FA2H: variants seen among roughly 807,000 people sequenced by gnomAD.
The protein encoded by FA2H is fatty acid 2-hydroxylase, also known as fatty acid alpha-hydroxylase.
In FA2H, 22 loss-of-function variants were observed where a neutral mutation model predicts 44.9. The ratio of observed to expected loss-of-function variants is 0.49; its 90% CI spans 0.35 to 0.70. The LOEUF is 0.70. FA2H is among the 30% of genes least tolerant of loss of function. The probability of loss-of-function intolerance (pLI) is 0.01; values close to 1 mark genes in which losing one functional copy is unlikely to be tolerated. For missense variants in FA2H, 501 were observed against 504.9 expected, an observed-to-expected ratio of 0.99 and a Z score of 0.07; for synonymous variants, 243 against 213.2, an observed-to-expected ratio of 1.14 and a Z score of -1.22.
intron 1 of FA2H, among the ~76,000 whole-genome samples, chr16:74,764,888 T>C (rs146850801): frequency 7.7e-4 from 117 of 152,224 alleles, no homozygotes; most frequent in African/African-American, 2.6e-3. Context: ...CAGGTACTTA[T>C]AGCTACATGA....
At chr16:74,771,952 C>CT (rs58570521) in intron 1 of FA2H, among the ~76,000 whole-genome samples, 1,680 of 141,864 alleles carry the variant, frequency 0.012, 25 homozygotes, top group Middle Eastern at 0.035. Context: ...CCCTGGCTTC[C>CT]TTTTTTTTTT....
intron 2 of FA2H, among the ~76,000 whole-genome samples, chr16:74,731,805 G>T: frequency 6.6e-6 from 1 of 152,226 alleles, no homozygotes; most frequent in East Asian, 1.9e-4. Context: ...TTTCCTTGCA[G>T]TTGTTGCTGT....
At position 74,766,666 on chromosome 16, in the gene FA2H, C is replaced by T. The variant is rs139946617; in HGVS notation, c.270+7820G>A. On this transcript the variant is annotated intron_variant, in intron 1 of 6. Coordinates refer to ENST00000219368, the MANE Select transcript of FA2H (RefSeq NM_024306.5). The stretch of plus-strand genomic sequence containing the variant: ...AAGGGGGGGGGCTCCTGAAGATCAA[C>T]AGGTGGTCCAAGCCATTGGCTCTTC... Among the ~76,000 whole-genome samples the T allele has an allele frequency of 8.1e-4, 123 of 152,216 alleles. 1 individual carries two copies. The highest frequency in any genetic ancestry group is 1.5e-3 in the Non-Finnish European group (101 of 68,028).
At chr16:74,717,732 G>C (rs1166084936) in intron 5 of FA2H, among the ~76,000 whole-genome samples, 1 of 152,248 alleles carries the variant, frequency 6.6e-6, no homozygotes, top group African/African-American at 2.4e-5. Flanking sequence ...GGCAGCAGGG[G>C]ACTGGACAGA....
intron 2 of FA2H, among the ~76,000 whole-genome samples, chr16:74,734,812 CG>C (rs1437727244): frequency 1.3e-5 from 2 of 152,188 alleles, no homozygotes; most frequent in African/African-American, 4.8e-5. Flanking sequence ...GGGCAGGCGG[CG>C]GGGGCAGGGT....
chr16:74,740,207 G>C, intron 1 of FA2H, 92 bp from the exon 2 acceptor site: 1 of 1,015,082 alleles, frequency 9.9e-7, no homozygotes, highest in East Asian at 2.4e-5. Context: ...GCCAGGAGTG[G>C]TGAGAGCCCC....
chr16:74,737,856 C>T (rs188575508), intron 2 of FA2H, among the ~76,000 whole-genome samples: 1 of 152,214 alleles, frequency 6.6e-6, no homozygotes, highest in South Asian at 2.1e-4. Flanking sequence ...CCCCAGCCCC[C>T]GCTGCCTGGG....
chr16:74,724,093 G>C (rs1961897836), intron 4 of FA2H, among the ~76,000 whole-genome samples: 2 of 151,992 alleles, frequency 1.3e-5, no homozygotes. Flanking sequence ...GTAGAGACTG[G>C]GTTTCACCAT....
At position 74,716,353 on chromosome 16, in the gene FA2H, T is replaced by G. The variant is rs755111282; in HGVS notation, c.1033A>C (p.Lys345Gln). 28 of 1,613,724 alleles carry G rather than the reference T, an allele frequency of 1.7e-5. No individual in the cohort carries two copies. The highest frequency in any genetic ancestry group is 2.4e-5 in the Non-Finnish European group (28 of 1,179,890). ...HHVKHHFAHQ[K>Q]SGFGISTKLW... ...AGCACAGGCCCATCCTCACCTGACTTCTGATGTGCAAAGTGGTGCTTGACG... is the reference window on the plus strand; with the variant it reads ...AGCACAGGCCCATCCTCACCTGACTGCTGATGTGCAAAGTGGTGCTTGACG... Residue 345 changes from lysine (K) to glutamine (Q), a missense_variant, in exon 6 of 7, where the codon AAG (lysine) becomes CAG (glutamine). Physicochemically the swap from Lys to Gln is moderately conservative, Grantham distance 53. Transcript: ENST00000219368.
chr16:74,739,156 G>A (rs781132260), intron 2 of FA2H, among the ~76,000 whole-genome samples: 3 of 152,210 alleles, frequency 2.0e-5, no homozygotes, highest in East Asian at 1.9e-4. Context: ...TCTTTATGGC[G>A]GTGGTGGGGA....
intron 1 of FA2H, 85 bp downstream of exon 1, chr16:74,774,401 T>C: frequency 1.5e-6 from 2 of 1,342,940 alleles, no homozygotes; most frequent in Non-Finnish European, 2.0e-6. Context: ...TGGGTCCTGC[T>C]AGAGGGCAAG....
chr16:74,731,779 G>A (rs1290897990), intron 2 of FA2H, among the ~76,000 whole-genome samples: 1 of 152,106 alleles, frequency 6.6e-6, no homozygotes. Flanking sequence ...TGACTTTTTA[G>A]CTATGCTTTT....
chr16:74,761,894 G>A (rs1344483834), intron 1 of FA2H, among the ~76,000 whole-genome samples: 1 of 152,210 alleles, frequency 6.6e-6, no homozygotes, highest in East Asian at 1.9e-4. Flanking sequence ...AAGGGGCAAT[G>A]AATGAAGGAA....
intron 1 of FA2H, among the ~76,000 whole-genome samples, chr16:74,744,198 T>A (rs1258852830): frequency 6.6e-6 from 1 of 152,124 alleles, no homozygotes; most frequent in Non-Finnish European, 1.5e-5. Context: ...ACCCTTGAAT[T>A]CCACAGGCGA....
chr16:74,744,681 C>T (rs910625589), intron 1 of FA2H, among the ~76,000 whole-genome samples: 1 of 151,924 alleles, frequency 6.6e-6, no homozygotes, highest in African/African-American at 2.4e-5. Context: ...TGAACTCCCA[C>T]GTTCAAGTGA....
At chr16:74,734,988 C>T (rs766669707) in intron 2 of FA2H, among the ~76,000 whole-genome samples, 1 of 152,226 alleles carries the variant, frequency 6.6e-6, no homozygotes, top group Non-Finnish European at 1.5e-5. Flanking sequence ...GGAGTGGGGG[C>T]CGGTTGTCTG....
At chr16:74,760,841 A>G (rs1319180137) in intron 1 of FA2H, among the ~76,000 whole-genome samples, 1 of 152,206 alleles carries the variant, frequency 6.6e-6, no homozygotes, top group Non-Finnish European at 1.5e-5. Flanking sequence ...ATTTGTCCCT[A>G]ATGAGTATGC....
At chr16:74,765,147 A>AT (rs1962785488) in intron 1 of FA2H, among the ~76,000 whole-genome samples, 1 of 137,084 alleles carries the variant, frequency 7.3e-6, no homozygotes, top group South Asian at 2.3e-4. Context: ...CAGAAAAGAG[A>AT]TTTTTCTTAA....
At chr16:74,742,163 A>G (rs1297839380) in intron 1 of FA2H, among the ~76,000 whole-genome samples, 6 of 152,228 alleles carry the variant, frequency 3.9e-5, no homozygotes, top group East Asian at 1.9e-4. Context: ...TCGTGTTTCA[A>G]TGCTGGGTCT....
Sources: gnomAD v4.1 joint callset for allele counts (sites outside exome capture counted in the v4.1 genomes callset) on GRCh38, gnomAD v4.1.1 for gene constraint, MANE v1.5 for transcripts, NCBI Gene and HGNC (gene_info 2026-07-23, HGNC 2026-07-21) for gene names.